LAMA5: variants seen among roughly 807,000 people sequenced by gnomAD.
LAMA5 encodes the protein laminin subunit alpha-5.
Under a neutral mutation model 433.4 loss-of-function variants are expected in LAMA5, and 260 were observed. The ratio of observed to expected loss-of-function variants is 0.60; its 90% CI spans 0.54 to 0.66. The LOEUF (loss-of-function observed/expected upper bound fraction) is 0.66. LAMA5 is among the 30% of genes least tolerant of loss of function. The pLI, the probability that LAMA5 is intolerant of heterozygous loss-of-function variation, is 0.00. For synonymous variants in LAMA5, 2,620 were observed against 2,226.6 expected, an observed-to-expected ratio of 1.18 and a Z score of -4.97; for missense variants, 5,378 against 5,258.5, an observed-to-expected ratio of 1.02 and a Z score of -0.70.
At position 62,327,882 on chromosome 20, in the gene LAMA5, C is replaced by G. The variant is rs754393413; in HGVS notation, c.4781G>C (p.Gly1594Ala). 2 of 1,609,992 alleles carry G rather than the reference C, an allele frequency of 1.2e-6. No individual in the cohort carries two copies. The highest frequency in any genetic ancestry group is 1.3e-5 in the African/African-American group (1 of 74,930). ...TAPGVCDPLT[G>A]QCYCKENVQG... ...CTCACTCACCTTACAGTAGCACTGC[C>G]CTGTGAGGGGGTCACACACGCCAGG... Residue 1594 changes from glycine to alanine, a missense_variant, in exon 36 of 80, where the codon GGG (glycine) becomes GCG (alanine). Gly to Ala is a moderately conservative substitution (Grantham distance 60). Coordinates refer to ENST00000252999, the MANE Select transcript of LAMA5 (RefSeq NM_005560.6).
In LAMA5 at chr20:62,322,377, C is replaced by T. The variant is rs780026582; in HGVS notation, c.6238G>A (p.Glu2080Lys). Residue 2080 changes from glutamate (E) to lysine (K), a missense_variant, in exon 47 of 80, where the codon GAG becomes AAG. Glu to Lys is a moderately conservative substitution (Grantham distance 56). Transcript: ENST00000252999. ...CACGPAAEGS[E>K]CHPQSGQCHC... The stretch of plus-strand genomic sequence containing the variant: ...CACTGTCCGCTCTGGGGGTGGCACT[C>T]GGAGCCCTCGGCGGCCGGTCCACAA... 6.9e-5 allele frequency: 109 copies of T among 1,590,858 alleles called. No individual in the cohort carries two copies. The highest frequency in any genetic ancestry group is 1.7e-4 in the Middle Eastern group (1 of 6,012).
intron 38 of LAMA5, 36 bp from the exon 39 acceptor site, chr20:62,327,002 C>G: frequency 4.8e-6 from 7 of 1,459,922 alleles, no homozygotes; most frequent in African/African-American, 2.8e-5. Flanking sequence ...CCTGGCCAGA[C>G]TCTGGCCACA....
At chr20:62,331,153 T>A (rs1372448670) in intron 28 of LAMA5, 24 bp from the exon 29 acceptor site, 1 of 1,410,274 alleles carries the variant, frequency 7.1e-7, no homozygotes, top group Non-Finnish European at 9.4e-7. Flanking sequence ...GACGAGATGC[T>A]GCAACGCCCG....
chr20:62,361,206 G>A (rs911714576), intron 2 of LAMA5, among the ~76,000 whole-genome samples: 2 of 152,084 alleles, frequency 1.3e-5, no homozygotes, highest in Non-Finnish European at 2.9e-5. Flanking sequence ...CAGATGCGGG[G>A]AAACCCAGTG....
At position 62,324,692 on chromosome 20, in the gene LAMA5, C is replaced by A; in HGVS notation, c.5530-138G>T. 1 of 638,566 alleles carries A rather than the reference C, an allele frequency of 1.6e-6. No individual in the cohort carries two copies. The highest frequency in any genetic ancestry group is 1.8e-5 in the South Asian group (1 of 54,414). The allele number at this position is 638,566 out of a possible 1,614,324, so 39.6% of individuals were successfully genotyped here. ...CCGTGGAGCATGGTCACCGCTGGGT[C>A]AGAGGCTGGTCAGGAACTCCTGGCC... On this transcript the variant is annotated intron_variant, in intron 41 of 79. Coordinates refer to ENST00000252999, the MANE Select transcript of LAMA5 (RefSeq NM_005560.6). This position sits in a 1 kb window ranked among gnomAD's most constrained non-coding sequence, Gnocchi z 4.4.
At chr20:62,344,633 G>C (rs1008284086) in intron 11 of LAMA5, among the ~76,000 whole-genome samples, 4 of 151,924 alleles carry the variant, frequency 2.6e-5, no homozygotes, top group Admixed American at 2.6e-4. Flanking sequence ...ATTTTTAGTA[G>C]AAATGGGGTT....
intron 63 of LAMA5, 67 bp downstream of exon 63, chr20:62,313,582 C>A (rs1326561185): frequency 2.8e-5 from 45 of 1,591,752 alleles, no homozygotes; most frequent in Non-Finnish European, 3.8e-5. Flanking sequence ...ACCCGCGGCT[C>A]TCCAGGACAC....
Position 62,319,705 on chromosome 20 carries a change from C to G in LAMA5, c.6850G>C (p.Ala2284Pro), listed in dbSNP as rs1435211077. The change falls in exon 51 of 80, where the codon GCT becomes CCT. Residue 2284 changes from alanine (A) to proline (P), a missense_variant. Coordinates refer to ENST00000252999, the MANE Select transcript of LAMA5 (RefSeq NM_005560.6). ...CTACCGCTCAGGGTGCGGTCCACAG[C>G]CCGGATGGCCGCCAACAGCGTCTTC... ...HAKTLLAAIR[A>P]VDRTLSELMS... The G allele has an allele frequency of 6.5e-7, 1 of 1,545,188 alleles. No individual in the cohort carries two copies. Among genetic ancestry groups the G allele is most frequent in the Admixed American group, 2.0e-5 (1 of 51,120 alleles).
chr20:62,339,070 G>A (rs1033357931), intron 11 of LAMA5, among the ~76,000 whole-genome samples: 2 of 151,606 alleles, frequency 1.3e-5, no homozygotes, highest in African/African-American at 2.4e-5. Flanking sequence ...AGGGAGAGGC[G>A]TGTTTGGGAA....
rs1353228989 is a variant in LAMA5, at chr20:62,332,499, C to G, written c.3444-19G>C. ...CAGGGTGCTGTGGGGGGAGGGTGGT[C>G]AGCAGGTGGGGCAGCCCCGGGCGTG... On this transcript the variant is annotated intron_variant, in intron 27 of 79. Transcript: ENST00000252999. 2 of 1,610,892 alleles carry G rather than the reference C, an allele frequency of 1.2e-6. No homozygotes were observed. Among genetic ancestry groups the G allele is most frequent in the Admixed American group, 1.7e-5 (1 of 59,964 alleles).
chr20:62,331,368 C>A (rs2146192502), intron 28 of LAMA5, among the ~76,000 whole-genome samples: 1 of 151,626 alleles, frequency 6.6e-6, no homozygotes, highest in South Asian at 2.1e-4. Flanking sequence ...CAGGAAACTG[C>A]AAACCCAGGC....
Position 62,333,155 on chromosome 20 carries a change from G to C in LAMA5, c.3217C>G (p.Arg1073Gly). 6.6e-7 allele frequency: 1 copy of C among 1,513,126 alleles called. No homozygotes were observed. Among genetic ancestry groups the C allele is most frequent in the South Asian group, 1.3e-5 (1 of 74,742 alleles). 93.7% of individuals were successfully genotyped at this position (1,513,126 alleles called of 1,614,324 possible). ...ALCRQDNSLP[R>G]PCPTEQLSPS... ...CTGAGCTGCTCCGTGGGGCAGGGCC[G>C]GGGCAGGCTGTTGTCCTGGCGACAC... Residue 1073 changes from arginine to glycine, a missense_variant, in exon 26 of 80, where the codon CGG (arginine) becomes GGG (glycine). By Grantham distance (125) the Arg-to-Gly change is moderately radical. Coordinates refer to ENST00000252999, the MANE Select transcript of LAMA5 (RefSeq NM_005560.6).
At position 62,334,764 on chromosome 20, in the gene LAMA5, C is replaced by CGAGGGCGAGGGCGAGGGT; in HGVS notation, c.2483-144_2483-143insACCCTCGCCCTCGCCCTC. ...CAGGGCTCAGGGCTCAGGGCGAGGG[C>CGAGGGCGAGGGCGAGGGT]GAGGGCGAGGGTGAGGGCGCTGGGA... On this transcript the variant is annotated intron_variant, in intron 20 of 79. Coordinates refer to ENST00000252999, the MANE Select transcript of LAMA5 (RefSeq NM_005560.6). The CGAGGGCGAGGGCGAGGGT allele has an allele frequency of 1.3e-5, 7 of 537,732 alleles. No homozygotes were observed. In the East Asian group the frequency reaches 2.2e-4, roughly 17 times the overall value. The allele number at this position is 537,732 out of a possible 1,614,324, so 33.3% of individuals were successfully genotyped here. A position where few individuals can be genotyped will look rare whatever the true frequency, so the allele number is the denominator to read the frequency against.
rs1319111942 is a variant in LAMA5 at position 62,328,923 on chromosome 20, C to T, written c.4368G>A (p.Gln1456=). The T allele has an allele frequency of 1.2e-6, 2 of 1,611,610 alleles. No homozygotes were observed. Among genetic ancestry groups the T allele is most frequent in the Non-Finnish European group, 8.5e-7 (1 of 1,179,148 alleles). The change falls in exon 34 of 80, where the codon CAG becomes CAA. Residue 1456 remains glutamine, a synonymous_variant. Transcript: ENST00000252999. ...TGPTCEPFGG[Q]CPCHAHVIGR... ...CAATGACATGGGCATGGCAGGGACACTGGCCCCCGAAGGGCTCACACGTGG... is the reference window on the plus strand; with the variant it reads ...CAATGACATGGGCATGGCAGGGACATTGGCCCCCGAAGGGCTCACACGTGG...
intron 50 of LAMA5, among the ~76,000 whole-genome samples, chr20:62,320,217 C>T (rs1262555918): frequency 1.4e-5 from 2 of 146,244 alleles, no homozygotes; most frequent in East Asian, 4.2e-4. Context: ...ACTCAGGAGG[C>T]TGAGGCAGGA....
At position 62,310,467 on chromosome 20, in the gene LAMA5, G is replaced by A. The variant is rs755709074; in HGVS notation, c.10552C>T (p.Leu3518=). Reference sequence around the variant, plus strand: ...CCTGGGAAGAACAGGCCCGCCTCCAGGGGGCCCAAGATGCAGGGTGTGACC... The same window carrying A: ...CCTGGGAAGAACAGGCCCGCCTCCAAGGGGCCCAAGATGCAGGGTGTGACC... ...AGVTPCILGP[L]EAGLFFPGSG... is the part of the protein sequence containing the mutation. Residue 3518 remains leucine (L), a synonymous_variant, in exon 76 of 80, where the codon CTG becomes TTG. Coordinates refer to ENST00000252999, the MANE Select transcript of LAMA5 (RefSeq NM_005560.6). The A allele has an allele frequency of 1.9e-6, 3 of 1,598,030 alleles. No individual in the cohort carries two copies. The highest frequency in any genetic ancestry group is 1.7e-6 in the Non-Finnish European group (2 of 1,174,210).
In LAMA5 at chr20:62,324,518, G is replaced by A; in HGVS notation, c.5566C>T (p.Leu1856Phe). The change falls in exon 42 of 80, where the codon CTC becomes TTC. Residue 1856 changes from leucine to phenylalanine, a missense_variant. Coordinates refer to ENST00000252999, the MANE Select transcript of LAMA5 (RefSeq NM_005560.6). The surrounding 1 kb of genome is among the most constrained non-coding windows in gnomAD (Gnocchi z 4.4). ...CAAGGGACACATCGGCCCAGGAAGA[G>A]ACCTTTGACGTCCCGATAGAAGCCG... ...APGFYRDVKG[L>F]FLGRCVPCQC... 6.2e-7 allele frequency: 1 copy of A among 1,612,460 alleles called. No individual in the cohort carries two copies. Among genetic ancestry groups the A allele is most frequent in the Non-Finnish European group, 8.5e-7 (1 of 1,179,822 alleles).
In LAMA5 at chr20:62,336,349, C is replaced by A. The variant is rs763300858; in HGVS notation, c.2314G>T (p.Gly772Cys). 6.8e-6 allele frequency: 11 copies of A among 1,609,852 alleles called. No homozygotes were observed. The highest frequency in any genetic ancestry group is 9.3e-6 in the Non-Finnish European group (11 of 1,178,186). ...TCCAGGGCACACTCACGGGTACAGC[C>A]CTCGGGGTTGCTGGGGCTCAGTCCC... ...FWGLSPSNPE[G>C]CTRCSCDLRG... The change falls in exon 18 of 80, where the codon GGC becomes TGC. Residue 772 changes from glycine (G) to cysteine (C), a missense_variant. Physicochemically the swap from Gly to Cys is radical, Grantham distance 159 (BLOSUM62 -3). Coordinates refer to ENST00000252999, the MANE Select transcript of LAMA5 (RefSeq NM_005560.6).
At chr20:62,346,044 A>G (rs374797348) in intron 10 of LAMA5, 37 bp downstream of exon 10, 2 of 1,610,296 alleles carry the variant, frequency 1.2e-6, no homozygotes, top group African/African-American at 1.3e-5. Flanking sequence ...TCCAGCAGGC[A>G]GTGGTGTCTG....
Sources: allele counts gnomAD v4.1 joint callset (sites outside exome capture counted in the v4.1 genomes callset), GRCh38; gene constraint gnomAD v4.1.1; non-coding constraint Gnocchi (gnomAD v3.1); transcripts MANE v1.5; gene names NCBI Gene and HGNC (gene_info 2026-07-23, HGNC 2026-07-21).